CLDN19: variants seen among roughly 807,000 people sequenced by gnomAD.
The protein encoded by CLDN19 is claudin 19.
CLDN19 carries 19 observed loss-of-function variants against 24.5 expected under a neutral mutation model. The ratio of observed to expected loss-of-function variants is 0.78; its 90% CI spans 0.54 to 1.14. The LOEUF (loss-of-function observed/expected upper bound fraction) is 1.14, where lower values mean the gene tolerates loss of function less well. Among genes scored for constraint, CLDN19 ranks in the 50% most tolerant of loss-of-function variants. The probability of loss-of-function intolerance (pLI) is 0.00; values close to 1 mark genes in which losing one functional copy is unlikely to be tolerated. For missense variants in CLDN19, 250 were observed against 295.9 expected (o/e 0.84, Z 1.14); for synonymous variants, 117 against 129.6 (o/e 0.90, Z 0.66).
intron 3 of CLDN19, among the ~76,000 whole-genome samples, chr1:42,737,831 C>T (rs567390332): frequency 6.6e-5 from 10 of 152,190 alleles, no homozygotes; most frequent in East Asian, 3.8e-4. Flanking sequence ...TACAGGCGCC[C>T]GCCACCATGC....
chr1:42,738,575 T>C lies in CLDN19; in HGVS notation c.234A>G (p.Gln78=), dbSNP rs1451717579. 1 of 1,613,688 alleles carries C rather than the reference T, an allele frequency of 6.2e-7. No homozygotes were observed. Among genetic ancestry groups the C allele is most frequent in the Admixed American group, 1.7e-5 (1 of 60,020 alleles). Residue 78 remains glutamine (Q), a synonymous_variant, in exon 2 of 5, where the codon CAA becomes CAG. Transcript: ENST00000296387. ...DSLLALDGHI[Q]SARALMVVAV... ...CCACCACCATCAGGGCCCGCGCTGA[T>C]TGGATGTGACCTAGGGTGGGCGGGA...
chr1:42,736,788 A>C (rs1187680820), intron 3 of CLDN19, among the ~76,000 whole-genome samples: 1 of 152,248 alleles, frequency 6.6e-6, no homozygotes, highest in Non-Finnish European at 1.5e-5. Context: ...CAGAGCCATC[A>C]GTGTCCCCAG....
In CLDN19 at chr1:42,738,482, G is replaced by C; in HGVS notation, c.327C>G (p.Asp109Glu). The C allele has an allele frequency of 1.9e-6, 3 of 1,614,048 alleles. No individual in the cohort carries two copies. Among genetic ancestry groups the C allele is most frequent in the Non-Finnish European group, 2.5e-6 (3 of 1,180,036 alleles). ...VVGMKCTRVG[D>E]SNPIAKGRVA... is the part of the protein sequence containing the mutation. ...CACGGCCCTTGGCAATGGGGTTGCT[G>C]TCTCCCACCCGCGTACACTTCATGC... is the stretch of plus-strand genomic sequence containing the variant. Residue 109 changes from aspartate to glutamate, a missense_variant, in exon 2 of 5, where the codon GAC becomes GAG. Asp to Glu is a conservative substitution (Grantham distance 45, BLOSUM62 2). Transcript: ENST00000296387.
At chr1:42,735,507 T>C in intron 4 of CLDN19, 1 of 1,413,232 alleles carries the variant, frequency 7.1e-7, no homozygotes, top group Non-Finnish European at 9.2e-7. Context: ...TCTTGGCCAC[T>C]GCTCTATCTC....
chr1:42,735,007 G>T lies in CLDN19; in HGVS notation c.*79C>A, dbSNP rs1312372093. On this transcript the variant is annotated 3_prime_UTR_variant, in exon 5 of 5. Transcript: ENST00000296387. ...AATGATACCATGATTGGGGCTGGATGTTCACTTCTCTTTCCAAAAAAATAT... is the reference window on the plus strand; with the variant it reads ...AATGATACCATGATTGGGGCTGGATTTTCACTTCTCTTTCCAAAAAAATAT... The T allele has an allele frequency of 2.6e-6, 3 of 1,163,202 alleles. No homozygotes were observed. The highest frequency in any genetic ancestry group is 3.8e-6 in the Non-Finnish European group (3 of 781,420). 72.1% of individuals were successfully genotyped at this position (1,163,202 alleles called of 1,614,324 possible). A position where few individuals can be genotyped will look rare whatever the true frequency, so the allele number is the denominator to read the frequency against.
chr1:42,738,781 C>A (rs1461530497), intron 1 of CLDN19, among the ~76,000 whole-genome samples, 196 bp from the exon 2 acceptor site: 1 of 152,000 alleles, frequency 6.6e-6, no homozygotes, highest in Non-Finnish European at 1.5e-5. Context: ...GGGTGAGAGT[C>A]CCCTTCACTG....
intron 3 of CLDN19, among the ~76,000 whole-genome samples, chr1:42,736,554 G>C (rs1651380639): frequency 6.6e-6 from 1 of 150,882 alleles, no homozygotes; most frequent in Non-Finnish European, 1.5e-5. Context: ...TTTGCACAAG[G>C]CACCCCCAGC....
In CLDN19 at chr1:42,735,747, A is replaced by C. The variant is rs772513053; in HGVS notation, c.626+131T>G. The stretch of plus-strand genomic sequence containing the variant: ...AGGGTGGGTGCTTGTGTTGAGGACA[A>C]GCTGCTCAGAGCACCTATGCCCATC... On this transcript the variant is annotated intron_variant, in intron 4 of 4. Coordinates refer to ENST00000296387, the MANE Select transcript of CLDN19 (RefSeq NM_148960.3). 2.1e-4 allele frequency: 316 copies of C among 1,495,296 alleles called. 1 individual carries two copies. The highest frequency in any genetic ancestry group is 2.7e-4 in the Non-Finnish European group (299 of 1,122,600). The allele number at this position is 1,495,296 out of a possible 1,614,324, so 92.6% of individuals were successfully genotyped here.
chr1:42,736,852 C>T (rs1018240098), intron 3 of CLDN19, among the ~76,000 whole-genome samples: 3 of 152,156 alleles, frequency 2.0e-5, no homozygotes, highest in Non-Finnish European at 2.9e-5. Context: ...TTGAAGGGAT[C>T]GGGGGCCGAG....
At chr1:42,737,872 G>A (rs1012702835) in intron 3 of CLDN19, among the ~76,000 whole-genome samples, 2 of 151,850 alleles carry the variant, frequency 1.3e-5, no homozygotes, top group African/African-American at 2.4e-5. Context: ...TAATAGAGAC[G>A]GGGTTTCACC....
rs373290790 is a variant in CLDN19 at position 42,736,121 on chromosome 1, G to A, written c.474-91C>T. Reference sequence around the variant, plus strand: ...CTGGCAGAGGAAGGGCAGAGTGTGTGGAGCTGGAGGCTGGAGCCTCACAAC... The same window carrying A: ...CTGGCAGAGGAAGGGCAGAGTGTGTAGAGCTGGAGGCTGGAGCCTCACAAC... On this transcript the variant is annotated intron_variant, in intron 3 of 4. Transcript: ENST00000296387. 271 of 796,358 alleles carry A rather than the reference G, an allele frequency of 3.4e-4. 1 individual carries two copies. The African/African-American group carries it at 4.3e-3, about 13-fold the overall frequency. 49.3% of individuals were successfully genotyped at this position (796,358 alleles called of 1,614,324 possible).
At chr1:42,735,304 C>G in intron 4 of CLDN19, 170 bp from the exon 5 acceptor site, 1 of 1,502,708 alleles carries the variant, frequency 6.7e-7, no homozygotes, top group Non-Finnish European at 8.9e-7. Flanking sequence ...ATGGTCCGAC[C>G]TCACCATCTG....
At chr1:42,735,541 C>G in intron 4 of CLDN19, 2 of 1,418,448 alleles carry the variant, frequency 1.4e-6, no homozygotes, top group South Asian at 3.2e-5. Flanking sequence ...GTAGCAGACA[C>G]CCAAGCAGCT....
At chr1:42,738,338 C>A in intron 2 of CLDN19, 25 bp from the exon 3 acceptor site, 2 of 1,613,422 alleles carry the variant, frequency 1.2e-6, no homozygotes, top group South Asian at 2.2e-5. Flanking sequence ...GAGGGGCGCT[C>A]AGCTCTGCTC....
intron 3 of CLDN19, among the ~76,000 whole-genome samples, chr1:42,736,990 C>T (rs565367660): frequency 6.6e-6 from 1 of 152,322 alleles, no homozygotes; most frequent in Admixed American, 6.5e-5. Flanking sequence ...CTGCCTCCTC[C>T]AGGCATCCCT....
chr1:42,735,374 C>T (rs1651326301), intron 4 of CLDN19: 4 of 1,435,466 alleles, frequency 2.8e-6, no homozygotes, highest in Non-Finnish European at 3.6e-6. Flanking sequence ...CTCAGACCCT[C>T]CCTGTCCTTG....
At position 42,733,574 on chromosome 1, in the gene CLDN19, T is replaced by C. The variant is rs1651255231; in HGVS notation, c.*1512A>G. ...GGAGCCTAGGCATTGTGCCCCCAGGTGATTCGAATGTGCATGCAGGGTTGG... is the reference window on the plus strand; with the variant it reads ...GGAGCCTAGGCATTGTGCCCCCAGGCGATTCGAATGTGCATGCAGGGTTGG... On this transcript the variant is annotated 3_prime_UTR_variant, in exon 5 of 5. Coordinates refer to ENST00000296387, the MANE Select transcript of CLDN19 (RefSeq NM_148960.3). 6.6e-6 allele frequency: 1 copy of C among 152,166 alleles called. No individual in the cohort carries two copies. Among genetic ancestry groups the C allele is most frequent in the Non-Finnish European group, 1.5e-5 (1 of 68,050 alleles). The allele number at this position is 152,166 out of a possible 1,614,324, so 9.4% of individuals were successfully genotyped here. A position where few individuals can be genotyped will look rare whatever the true frequency, so the allele number is the denominator to read the frequency against.
chr1:42,735,638 C>T (rs550620549), intron 4 of CLDN19: 8 of 1,432,360 alleles, frequency 5.6e-6, no homozygotes, highest in African/African-American at 4.3e-5. Flanking sequence ...CAGACAAGAC[C>T]GTGCCTGGAC....
intron 1 of CLDN19, 68 bp downstream of exon 1, chr1:42,739,773 G>T: frequency 7.4e-7 from 1 of 1,359,804 alleles, no homozygotes; most frequent in Non-Finnish European, 1.0e-6. Context: ...AGACTGTGAG[G>T]AAAACTTGCT....
Sources: allele counts gnomAD v4.1 joint callset (sites outside exome capture counted in the v4.1 genomes callset), GRCh38; gene constraint gnomAD v4.1.1; transcripts MANE v1.5; gene names NCBI Gene and HGNC (gene_info 2026-07-23, HGNC 2026-07-21).